PRDM6: variants seen among roughly 807,000 people sequenced by gnomAD.
PRDM6 encodes the protein PR/SET domain 6.
A neutral mutation model predicts 60.8 loss-of-function variants in PRDM6; 25 were observed. The observed-to-expected ratio is 0.41, with a 90% CI of 0.30 to 0.57. PRDM6 has a LOEUF of 0.57. Ranked by LOEUF, PRDM6 falls within the 20% of genes least tolerant of loss-of-function variation. The probability of loss-of-function intolerance (pLI) is 0.27; values close to 1 mark genes in which losing one functional copy is unlikely to be tolerated. For synonymous variants in PRDM6, 407 were observed against 357.4 expected (o/e 1.14, Z -1.57); for missense variants, 839 against 821.3 (o/e 1.02, Z -0.26).
intron 5 of PRDM6, among the ~76,000 whole-genome samples, chr5:123,164,197 A>C (rs1392099208): frequency 6.6e-6 from 1 of 152,230 alleles, no homozygotes; most frequent in Non-Finnish European, 1.5e-5. Context: ...AACACTGTGC[A>C]GATGCTGTGT....
At chr5:123,103,272 C>T (rs1052466435) in intron 3 of PRDM6, among the ~76,000 whole-genome samples, 1 of 151,792 alleles carries the variant, frequency 6.6e-6, no homozygotes, top group African/African-American at 2.4e-5. Flanking sequence ...AGCTAAAAGC[C>T]AAATAATTAG....
At chr5:123,097,456 T>C (rs190617789) in intron 2 of PRDM6, among the ~76,000 whole-genome samples, 315 of 152,294 alleles carry the variant, frequency 2.1e-3, no homozygotes, top group African/African-American at 7.3e-3. Context: ...ACTTTCTAGC[T>C]TCTGGTTCTT....
intron 3 of PRDM6, 120 bp from the exon 4 acceptor site, chr5:123,155,764 C>A: frequency 1.8e-6 from 2 of 1,081,480 alleles, no homozygotes; most frequent in Non-Finnish European, 1.3e-6. Flanking sequence ...CATCAATAAG[C>A]ACTAGCAAAC....
intron 2 of PRDM6, among the ~76,000 whole-genome samples, chr5:123,091,125 C>T (rs1469024158): frequency 6.6e-6 from 1 of 152,156 alleles, no homozygotes; most frequent in Non-Finnish European, 1.5e-5. Flanking sequence ...TGTGGGGGAA[C>T]CGGCGGGAGC....
intron 3 of PRDM6, among the ~76,000 whole-genome samples, chr5:123,138,721 C>T (rs1055123413): frequency 2.0e-5 from 3 of 152,062 alleles, no homozygotes; most frequent in African/African-American, 4.8e-5. Context: ...CATTAGATGC[C>T]AAGTGTTTGG....
intron 3 of PRDM6, among the ~76,000 whole-genome samples, chr5:123,110,564 T>C (rs1315833270): frequency 6.7e-6 from 1 of 150,014 alleles, no homozygotes; most frequent in African/African-American, 2.4e-5. Flanking sequence ...CTTTTTTTTT[T>C]TTTCTTTTTT....
At chr5:123,138,084 T>G (rs746917790) in intron 3 of PRDM6, among the ~76,000 whole-genome samples, 1 of 152,174 alleles carries the variant, frequency 6.6e-6, no homozygotes, top group Non-Finnish European at 1.5e-5. Context: ...CCCACATGGT[T>G]TTCCATGATG....
chr5:123,090,634 T>C, intron 2 of PRDM6, 28 bp downstream of exon 2: 1 of 1,280,772 alleles, frequency 7.8e-7, no homozygotes, highest in Non-Finnish European at 1.0e-6. Flanking sequence ...GCGCGCTCTC[T>C]CCCGGGGCGC....
chr5:123,179,533 T>C (rs1218234413), intron 6 of PRDM6, among the ~76,000 whole-genome samples: 1 of 152,196 alleles, frequency 6.6e-6, no homozygotes, highest in African/African-American at 2.4e-5. Flanking sequence ...CAGTTTAATA[T>C]CCGTTAAAAC....
chr5:123,122,953 A>T (rs1024755446), intron 3 of PRDM6, among the ~76,000 whole-genome samples: 4 of 152,176 alleles, frequency 2.6e-5, no homozygotes, highest in African/African-American at 9.7e-5. Flanking sequence ...GACTTGCTTA[A>T]ATTTTTCCCC....
At chr5:123,176,049 G>C (rs974291491) in intron 6 of PRDM6, among the ~76,000 whole-genome samples, 2 of 152,074 alleles carry the variant, frequency 1.3e-5, no homozygotes, top group Admixed American at 1.3e-4. Flanking sequence ...GCACCTTTCT[G>C]TTTTTTCATC....
At chr5:123,135,988 A>C (rs924315923) in intron 3 of PRDM6, among the ~76,000 whole-genome samples, 1 of 152,212 alleles carries the variant, frequency 6.6e-6, no homozygotes, top group Non-Finnish European at 1.5e-5. Context: ...AAAGTAAAGG[A>C]AATTAAAGTA....
chr5:123,098,667 G>A (rs997123206), intron 2 of PRDM6, among the ~76,000 whole-genome samples: 4 of 152,354 alleles, frequency 2.6e-5, no homozygotes, highest in Admixed American at 6.5e-5. Context: ...TTCACCCATT[G>A]TATAGCACAA....
intron 3 of PRDM6, among the ~76,000 whole-genome samples, chr5:123,110,354 G>A (rs921256465): frequency 6.7e-6 from 1 of 148,464 alleles, no homozygotes; most frequent in Non-Finnish European, 1.5e-5. Context: ...CACCTCCCAG[G>A]TTCAAATGAT....
intron 3 of PRDM6, among the ~76,000 whole-genome samples, chr5:123,117,349 A>G (rs1764478995): frequency 6.6e-6 from 1 of 152,230 alleles, no homozygotes; most frequent in Non-Finnish European, 1.5e-5. Context: ...TAAAGTAGTC[A>G]CAACTCGGAT....
At chr5:123,179,877 GAT>G (rs1185720879) in intron 6 of PRDM6, among the ~76,000 whole-genome samples, 1 of 152,136 alleles carries the variant, frequency 6.6e-6, no homozygotes, top group Non-Finnish European at 1.5e-5. Context: ...CCTGGGGAAA[GAT>G]AAAAATAAGA....
rs1199403376 is a variant in PRDM6 at position 123,090,255 on chromosome 5, T to A, written c.241T>A (p.Ser81Thr). 6.7e-7 allele frequency: 1 copy of A among 1,487,444 alleles called. No individual in the cohort carries two copies. Among genetic ancestry groups the A allele is most frequent in the Admixed American group, 2.3e-5 (1 of 44,438 alleles). 92.1% of individuals were successfully genotyped at this position (1,487,444 alleles called of 1,614,324 possible). Reference protein sequence around the residue: ...PRPASLSSASSTPASSSTSAS... With the variant: ...PRPASLSSASTTPASSSTSAS... ...GCCCGCCTCTCTCTCCTCCGCCTCG[T>A]CCACGCCGGCTTCCTCTTCCACCTC... Residue 81 changes from serine (S) to threonine (T), a missense_variant, in exon 2 of 8, where the codon TCC (serine) becomes ACC (threonine). This residue lies in a region of PRDM6 where 730 missense variants were observed against 648.8 expected (regional missense o/e 1.13). Transcript: ENST00000407847.
At chr5:123,159,233 A>T (rs563599918) in intron 4 of PRDM6, among the ~76,000 whole-genome samples, 14 of 152,198 alleles carry the variant, frequency 9.2e-5, no homozygotes, top group South Asian at 4.1e-4. Flanking sequence ...AAATTTTTTT[A>T]AAATTAATTC....
intron 3 of PRDM6, among the ~76,000 whole-genome samples, chr5:123,102,578 C>T (rs1764127541): frequency 1.3e-5 from 2 of 152,038 alleles, no homozygotes; most frequent in African/African-American, 4.8e-5. Flanking sequence ...ATTTCAAAAA[C>T]TTATTCTTTT....
Sources: allele counts gnomAD v4.1 joint callset (sites outside exome capture counted in the v4.1 genomes callset), GRCh38; gene constraint gnomAD v4.1.1; regional missense constraint gnomAD v4.1.1; transcripts MANE v1.5; gene names NCBI Gene and HGNC (gene_info 2026-07-23, HGNC 2026-07-21).